The following RAB40B variants were observed in gnomAD, a reference collection of about 807,000 sequenced individuals.
RAB40B encodes RAB40B, member RAS oncogene family.
Under a neutral mutation model 24.0 loss-of-function variants are expected in RAB40B, and 21 were observed. The ratio of observed to expected loss-of-function variants is 0.88; its 90% CI spans 0.62 to 1.26. RAB40B has a LOEUF of 1.26. Ranked by LOEUF, RAB40B falls within the 50% of genes most tolerant of loss-of-function variation. RAB40B has a pLI of 0.00. For missense variants in RAB40B, 348 were observed against 390.5 expected, an observed-to-expected ratio of 0.89 and a Z score of 0.92; for synonymous variants, 167 against 169.8, an observed-to-expected ratio of 0.98 and a Z score of 0.13.
intron 1 of RAB40B, among the ~76,000 whole-genome samples, chr17:82,685,226 G>C (rs1468810314): frequency 7.1e-6 from 1 of 140,638 alleles, no homozygotes; most frequent in Non-Finnish European, 1.6e-5. Flanking sequence ...TGGGGAGGGG[G>C]AGGGAGGACG....
chr17:82,670,700 C>G (rs1435802205), intron 1 of RAB40B, among the ~76,000 whole-genome samples: 1 of 151,514 alleles, frequency 6.6e-6, no homozygotes, highest in Non-Finnish European at 1.5e-5. Context: ...ACGCCCGGCT[C>G]ATTTTTGTAT....
At chr17:82,695,856 C>G (rs1374448375) in intron 1 of RAB40B, among the ~76,000 whole-genome samples, 2 of 151,998 alleles carry the variant, frequency 1.3e-5, no homozygotes, top group Non-Finnish European at 2.9e-5. Context: ...CAGCTCAGGC[C>G]AAGTAGACAA....
chr17:82,670,279 G>A (rs1176473224), intron 1 of RAB40B, among the ~76,000 whole-genome samples: 6 of 150,586 alleles, frequency 4.0e-5, no homozygotes, highest in Non-Finnish European at 8.8e-5. Flanking sequence ...CCGCCCACCG[G>A]GTTCAAGCAA....
chr17:82,687,934 T>C (rs749956936), intron 1 of RAB40B, among the ~76,000 whole-genome samples: 29 of 152,226 alleles, frequency 1.9e-4, no homozygotes, highest in Admixed American at 5.9e-4. Context: ...TAGCCGGGCA[T>C]GGTGGCATGC....
At chr17:82,690,989 C>A (rs907987737) in intron 1 of RAB40B, among the ~76,000 whole-genome samples, 3 of 152,202 alleles carry the variant, frequency 2.0e-5, no homozygotes, top group African/African-American at 2.4e-5. Context: ...ATAACGGAGG[C>A]TCTGATGCTC....
chr17:82,660,832 A>C (rs1209530049), intron 3 of RAB40B, among the ~76,000 whole-genome samples, 155 bp downstream of exon 3: 9 of 151,982 alleles, frequency 5.9e-5, no homozygotes, highest in Non-Finnish European at 1.2e-4. Flanking sequence ...ACAACCAACC[A>C]CTCTACAGCA....
Position 82,675,069 on chromosome 17 carries a change from G to GGA in RAB40B, c.143-10515_143-10514dup, listed in dbSNP as rs139768052. 1.3e-5 allele frequency among the ~76,000 whole-genome samples: 2 copies of GGA among 151,944 alleles called. No homozygotes were observed. Among genetic ancestry groups the GGA allele is most frequent in the African/African-American group, 2.4e-5 (1 of 41,360 alleles). ...AGAAAACCCACAAAGCACAATGACT[G>GGA]GAGAGAGAGAGAGAAAACATCTGAC... is the stretch of plus-strand genomic sequence containing the variant. On this transcript the variant is annotated intron_variant, in intron 1 of 5. Transcript: ENST00000571995. The surrounding 1 kb of genome is among the most constrained non-coding windows in gnomAD (Gnocchi z 4.5).
Position 82,698,598 on chromosome 17 carries a change from G to A in RAB40B, c.-2C>T. ...GACCGGGCTGCCCAGGGCGCTCATC[G>A]TGACGGCCCGGCGCCCCCACCCATG... On this transcript the variant is annotated 5_prime_UTR_variant, in exon 1 of 6. The change creates a new upstream start codon in the 5' untranslated region. Transcript: ENST00000571995. 6.9e-7 allele frequency: 1 copy of A among 1,451,912 alleles called. No individual in the cohort carries two copies. The allele number at this position is 1,451,912 out of a possible 1,614,324, so 89.9% of individuals were successfully genotyped here. A position where few individuals can be genotyped will look rare whatever the true frequency, so the allele number is the denominator to read the frequency against.
chr17:82,687,487 TA>T (rs544825546), intron 1 of RAB40B, among the ~76,000 whole-genome samples: 27 of 152,222 alleles, frequency 1.8e-4, no homozygotes, highest in Middle Eastern at 3.4e-3. Flanking sequence ...TGAGTCACAT[TA>T]GGGGGAGGGT....
chr17:82,670,812 T>C (rs1009291942), intron 1 of RAB40B, among the ~76,000 whole-genome samples: 2 of 151,960 alleles, frequency 1.3e-5, no homozygotes, highest in Non-Finnish European at 1.5e-5. Context: ...GGATTACAGG[T>C]GTGAGGTACC....
chr17:82,676,621 A>ATTTTTC (rs895753574), intron 1 of RAB40B, among the ~76,000 whole-genome samples: 2 of 150,882 alleles, frequency 1.3e-5, no homozygotes, highest in Non-Finnish European at 3.0e-5. Context: ...TGGCCTACTA[A>ATTTTTC]TTTTTCTTTT....
Position 82,693,110 on chromosome 17 carries a change from C to T in RAB40B, c.142+5345G>A, listed in dbSNP as rs1180761960. Among the ~76,000 whole-genome samples the T allele has an allele frequency of 7.2e-5, 11 of 152,220 alleles. No homozygotes were observed. In the South Asian group the frequency reaches 8.3e-4, roughly 11 times the overall value. On this transcript the variant is annotated intron_variant, in intron 1 of 5. Coordinates refer to ENST00000571995, the MANE Select transcript of RAB40B (RefSeq NM_006822.3). ...CTCCGCCTCCCGGGTTCAAGTGCTT[C>T]TCCTGCCTCAGTCTCCCGAGTAGCT...
chr17:82,661,819 G>A (rs1290225869), intron 2 of RAB40B: 11 of 689,796 alleles, frequency 1.6e-5, no homozygotes, highest in Admixed American at 6.3e-5. Context: ...CCCGGCAGGC[G>A]GAGGTTGCAG....
rs188435370 is a variant in RAB40B, at chr17:82,697,722, C to A, written c.142+733G>T. 8.0e-4 allele frequency among the ~76,000 whole-genome samples: 122 copies of A among 152,324 alleles called. No individual in the cohort carries two copies. Among genetic ancestry groups the A allele is most frequent in the Non-Finnish European group, 1.5e-3 (103 of 68,022 alleles). ...TTTCTTTCCCCGGAGCCGTCCACCC[C>A]CTCGCCGGGCGCCGGCTTTCAAGCC... On this transcript the variant is annotated intron_variant, in intron 1 of 5. Transcript: ENST00000571995. The surrounding 1 kb of genome is among the most constrained non-coding windows in gnomAD (Gnocchi z 4.9).
chr17:82,693,998 G>A (rs1027939223), intron 1 of RAB40B, among the ~76,000 whole-genome samples: 5 of 150,186 alleles, frequency 3.3e-5, no homozygotes, highest in Non-Finnish European at 5.9e-5. Flanking sequence ...CAGGAAAATC[G>A]CTTGAACCTG....
rs781402831 is a variant in RAB40B at position 82,698,460 on chromosome 17, G to A, written c.137C>T (p.Pro46Leu). The A allele has an allele frequency of 5.6e-6, 8 of 1,437,808 alleles. No individual in the cohort carries two copies. In the East Asian group the frequency reaches 2.3e-4, roughly 41 times the overall value. The allele number at this position is 1,437,808 out of a possible 1,614,324, so 89.1% of individuals were successfully genotyped here. ...DGAAESPYGH[P>L]AGIDYKTTTI... is the part of the protein sequence containing the mutation. The stretch of plus-strand genomic sequence containing the variant: ...CGCCCTCCGCCCGCGCTCACCCGCC[G>A]GGTGGCCGTACGGGGACTCGGCCGC... The change falls in exon 1 of 6, where the codon CCG becomes CTG. Residue 46 changes from proline (P) to leucine (L), a missense_variant. Coordinates refer to ENST00000571995, the MANE Select transcript of RAB40B (RefSeq NM_006822.3).
At chr17:82,660,054 C>T (rs976325203) in intron 3 of RAB40B, among the ~76,000 whole-genome samples, 9 of 151,830 alleles carry the variant, frequency 5.9e-5, no homozygotes, top group Non-Finnish European at 8.8e-5. Flanking sequence ...ACACAGTGCA[C>T]GTACCTGCAC....
intron 1 of RAB40B, among the ~76,000 whole-genome samples, chr17:82,685,637 G>A (rs1345692826): frequency 2.6e-5 from 4 of 152,176 alleles, no homozygotes; most frequent in Non-Finnish European, 4.4e-5. Flanking sequence ...TCCAAGAAGA[G>A]GGGACCCACA....
chr17:82,680,723 TGTTTTAATTCTAAAATATAA>T (rs2046440801), intron 1 of RAB40B, among the ~76,000 whole-genome samples: 1 of 152,082 alleles, frequency 6.6e-6, no homozygotes, highest in South Asian at 2.1e-4. Flanking sequence ...TTGATACAAA[TGTTTTAATTCTAAAATATAA>T]TTTCTGGGCC....
Sources: allele counts gnomAD v4.1 joint callset (sites outside exome capture counted in the v4.1 genomes callset), GRCh38; gene constraint gnomAD v4.1.1; non-coding constraint Gnocchi (gnomAD v3.1); transcripts MANE v1.5; gene names NCBI Gene and HGNC (gene_info 2026-07-23, HGNC 2026-07-21).